Variants in TPCN2 observed in about 807,000 individuals in gnomAD.
The protein encoded by TPCN2 is two pore channel protein 2.
TPCN2 carries 92 observed loss-of-function variants against 111.4 expected under a neutral mutation model. The observed-to-expected ratio is 0.83, with a 90% CI of 0.70 to 0.98. The LOEUF is 0.98. Among genes scored for constraint, TPCN2 ranks in the 50% least tolerant of loss-of-function variants. The probability of loss-of-function intolerance (pLI) is 0.00; values close to 1 mark genes in which losing one functional copy is unlikely to be tolerated. For missense variants in TPCN2, 995 were observed against 980.1 expected (o/e 1.02, Z -0.20); for synonymous variants, 405 against 414.5 (o/e 0.98, Z 0.28).
chr11:69,057,480 C>A, intron 4 of TPCN2, 98 bp from the exon 5 acceptor site: 1 of 1,160,032 alleles, frequency 8.6e-7, no homozygotes, highest in Non-Finnish European at 1.3e-6. Context: ...GCGCACCCTG[C>A]TCTGGTCGCC....
chr11:69,079,689 G>A (rs985218405), intron 16 of TPCN2, 145 bp from the exon 17 acceptor site: 15 of 679,558 alleles, frequency 2.2e-5, no homozygotes, highest in South Asian at 2.2e-4. Flanking sequence ...GAACCAACCC[G>A]TGGGGTCCAG....
At chr11:69,058,917 C>T (rs1854899254) in intron 5 of TPCN2, among the ~76,000 whole-genome samples, 1 of 152,240 alleles carries the variant, frequency 6.6e-6, no homozygotes, top group African/African-American at 2.4e-5. Flanking sequence ...GTAAGCCACA[C>T]CAAGAATCCT....
intron 16 of TPCN2, 101 bp from the exon 17 acceptor site, chr11:69,079,733 T>G: frequency 1.4e-5 from 15 of 1,106,862 alleles, no homozygotes; most frequent in South Asian, 3.1e-5. Context: ...AAAGCCCCTT[T>G]TGGGGAGAAT....
intron 7 of TPCN2, among the ~76,000 whole-genome samples, chr11:69,065,310 G>T (rs1319696275): frequency 6.6e-6 from 1 of 152,224 alleles, no homozygotes; most frequent in Non-Finnish European, 1.5e-5. Context: ...GATGGCGTCA[G>T]TGTGGGTGCT....
chr11:69,067,846 C>A (rs545870021), intron 8 of TPCN2, among the ~76,000 whole-genome samples: 1 of 152,254 alleles, frequency 6.6e-6, no homozygotes, highest in South Asian at 2.1e-4. Context: ...CTGTCTCATT[C>A]CTTTGCTTTC....
rs372377976 is a variant in TPCN2 at position 69,081,442 on chromosome 11, C to A, written c.1632C>A (p.Thr544=). The A allele has an allele frequency of 8.9e-6, 14 of 1,573,992 alleles. No individual in the cohort carries two copies. The highest frequency in any genetic ancestry group is 1.2e-5 in the Non-Finnish European group (14 of 1,159,826). Residue 544 remains threonine, a synonymous_variant, in exon 18 of 25, where the codon ACC becomes ACA. Transcript: ENST00000294309. ...GCCTGCTGTCGCTGTGGGACATGAC[C>A]CGCATGCTGAACATGCTCATCGTGT... The part of the protein sequence containing the change: ...MVGLLSLWDM[T]RMLNMLIVFR...
intron 19 of TPCN2, among the ~76,000 whole-genome samples, chr11:69,084,250 C>T (rs1328138558): frequency 6.6e-6 from 1 of 152,196 alleles, no homozygotes; most frequent in African/African-American, 2.4e-5. Flanking sequence ...CCTGCCTGAG[C>T]ATCCTTCCCT....
intron 19 of TPCN2, chr11:69,084,802 C>G (rs1856202543): frequency 1.0e-6 from 1 of 985,278 alleles, no homozygotes; most frequent in African/African-American, 1.7e-5. Flanking sequence ...TGCTGTCTGC[C>G]CAGCCCCCTA....
intron 19 of TPCN2, among the ~76,000 whole-genome samples, chr11:69,084,263 C>T (rs1430043013): frequency 6.6e-6 from 1 of 152,194 alleles, no homozygotes; most frequent in Non-Finnish European, 1.5e-5. Flanking sequence ...CCTTCCCTCC[C>T]ATGGCAGAGA....
At chr11:69,077,103 ACTTGCCCT>A (rs371420701) in intron 13 of TPCN2, among the ~76,000 whole-genome samples, 90 of 74,096 alleles carry the variant, frequency 1.2e-3, no homozygotes, top group East Asian at 3.0e-3. Flanking sequence ...ATGTCCCTCC[ACTTGCCCT>A]CCTGCCCTCC....
rs144686467 is a variant in TPCN2 at position 69,081,463 on chromosome 11, C to G, written c.1653C>G (p.Ile551Met). ...WDMTRMLNML[I>M]VFRFLRIIPS... Reference sequence around the variant, plus strand: ...TGACCCGCATGCTGAACATGCTCATCGTGTTCCGCTTCCTGCGTATCATCC... The same window carrying G: ...TGACCCGCATGCTGAACATGCTCATGGTGTTCCGCTTCCTGCGTATCATCC... The change falls in exon 18 of 25, where the codon ATC (isoleucine) becomes ATG (methionine). Residue 551 changes from isoleucine to methionine, a missense_variant. Ile to Met is a conservative substitution (Grantham distance 10). Coordinates refer to ENST00000294309, the MANE Select transcript of TPCN2 (RefSeq NM_139075.4). The G allele has an allele frequency of 1.3e-6, 2 of 1,574,544 alleles. No individual in the cohort carries two copies. Among genetic ancestry groups the G allele is most frequent in the Non-Finnish European group, 1.7e-6 (2 of 1,159,860 alleles).
chr11:69,060,623 T>G (rs1854979002), intron 5 of TPCN2, among the ~76,000 whole-genome samples: 1 of 152,176 alleles, frequency 6.6e-6, no homozygotes, highest in Admixed American at 6.5e-5. Flanking sequence ...GGATGTACCT[T>G]CCCGTCCTTA....
In TPCN2 at chr11:69,069,742, GCACTGGGA is replaced by G. The variant is rs1460906507; in HGVS notation, c.830-687_830-680del. On this transcript the variant is annotated intron_variant, in intron 8 of 24. Coordinates refer to ENST00000294309, the MANE Select transcript of TPCN2 (RefSeq NM_139075.4). ...ACCGTCTGAGTCCTAGGAAGTGACCGCACTGGGAGCAGGACCGTCTGAGTCCTAGGAAG... is the reference window on the plus strand; with the variant it reads ...ACCGTCTGAGTCCTAGGAAGTGACCGGCAGGACCGTCTGAGTCCTAGGAAG... Among the ~76,000 whole-genome samples, 25 of 126,148 alleles carry G rather than the reference GCACTGGGA, an allele frequency of 2.0e-4. 3 individuals are homozygous for G. Among genetic ancestry groups the G allele is most frequent in the Admixed American group, 7.6e-4 (10 of 13,130 alleles). The allele number at this position is 126,148 out of a possible 152,430, so 82.8% of individuals were successfully genotyped here.
At chr11:69,065,971 A>C (rs550952457) in intron 7 of TPCN2, among the ~76,000 whole-genome samples, 50 of 151,824 alleles carry the variant, frequency 3.3e-4, no homozygotes, top group Admixed American at 2.2e-3. Flanking sequence ...TCTGGAGCTG[A>C]ATTGTAGAGG....
intron 8 of TPCN2, 46 bp downstream of exon 8, chr11:69,067,651 C>T: frequency 6.3e-7 from 1 of 1,584,524 alleles, no homozygotes. Context: ...GTGAGCCCAG[C>T]ACTGGGGGGC....
At chr11:69,066,801 C>T (rs1371355417) in intron 7 of TPCN2, among the ~76,000 whole-genome samples, 1 of 152,186 alleles carries the variant, frequency 6.6e-6, no homozygotes, top group Non-Finnish European at 1.5e-5. Context: ...GCTGGGGGGT[C>T]TGGAGGCTTG....
chr11:69,052,551 C>A (rs1861274566), intron 1 of TPCN2, among the ~76,000 whole-genome samples: 1 of 152,124 alleles, frequency 6.6e-6, no homozygotes, highest in African/African-American at 2.4e-5. Context: ...ACCAAAGCCA[C>A]AGGGAGGGAA....
intron 6 of TPCN2, among the ~76,000 whole-genome samples, 162 bp downstream of exon 6, chr11:69,063,152 G>A (rs572098022): frequency 2.6e-4 from 40 of 151,866 alleles, no homozygotes; most frequent in Non-Finnish European, 5.0e-4. Flanking sequence ...GGGGCTTTTG[G>A]GGTCTCTTTG....
intron 16 of TPCN2, 105 bp from the exon 17 acceptor site, chr11:69,079,729 C>G (rs965417707): frequency 1.9e-6 from 2 of 1,064,240 alleles, no homozygotes; most frequent in African/African-American, 1.6e-5. Context: ...CCCAAAAGCC[C>G]CTTTTGGGGA....
Sources: gnomAD v4.1 joint callset for allele counts (sites outside exome capture counted in the v4.1 genomes callset) on GRCh38, gnomAD v4.1.1 for gene constraint, MANE v1.5 for transcripts, NCBI Gene and HGNC (gene_info 2026-07-23, HGNC 2026-07-21) for gene names.